DOCK2: variants seen among roughly 807,000 people sequenced by gnomAD.
The protein encoded by DOCK2 is dedicator of cytokinesis protein 2.
DOCK2 carries 87 observed loss-of-function variants against 248.9 expected under a neutral mutation model. The ratio of observed to expected loss-of-function variants is 0.35; its 90% CI spans 0.29 to 0.42. The LOEUF is 0.42. Among genes scored for constraint, DOCK2 ranks in the 10% least tolerant of loss-of-function variants. The probability of loss-of-function intolerance (pLI) is 1.00; values close to 1 mark genes in which losing one functional copy is unlikely to be tolerated. For missense variants in DOCK2, 1,747 were observed against 2,300.2 expected (o/e 0.76, Z 4.92); for synonymous variants, 805 against 821.6 (o/e 0.98, Z 0.35).
chr5:170,071,220 G>T (rs1581574780), intron 46 of DOCK2, among the ~76,000 whole-genome samples: 1 of 152,156 alleles, frequency 6.6e-6, no homozygotes, highest in East Asian at 1.9e-4. Context: ...GTTTCATTCC[G>T]TTTGTTCTTG....
At chr5:169,649,929 G>C (rs560145282) in intron 1 of DOCK2, among the ~76,000 whole-genome samples, 16 of 151,700 alleles carry the variant, frequency 1.1e-4, no homozygotes, top group African/African-American at 3.9e-4. Context: ...TCAGTCCCCC[G>C]AGTAGCTGGG....
intron 25 of DOCK2, among the ~76,000 whole-genome samples, chr5:169,800,210 A>G (rs1240774545): frequency 6.6e-6 from 1 of 152,206 alleles, no homozygotes; most frequent in Non-Finnish European, 1.5e-5. Context: ...TTTGTCATCT[A>G]TAATTTTCTG....
At chr5:170,019,142 G>C (rs1326816017) in intron 33 of DOCK2, 34 bp downstream of exon 33, 1 of 1,613,350 alleles carries the variant, frequency 6.2e-7, no homozygotes, top group Non-Finnish European at 8.5e-7. Flanking sequence ...ATGCCAGCAT[G>C]CCTAATCCCC....
intron 26 of DOCK2, among the ~76,000 whole-genome samples, chr5:169,816,791 G>A (rs982185433): frequency 1.6e-4 from 25 of 152,088 alleles, no homozygotes; most frequent in African/African-American, 5.6e-4. Context: ...ATGGAAAATG[G>A]GGTATCCATG....
intron 27 of DOCK2, chr5:169,875,311 T>G (rs1440085944): frequency 4.4e-6 from 2 of 456,684 alleles, no homozygotes; most frequent in Non-Finnish European, 8.8e-6. Context: ...GCAACAAGTT[T>G]CCATAGACAC....
At chr5:170,081,765 T>G in intron 50 of DOCK2, 77 bp from the exon 51 acceptor site, 2,516 of 519,372 alleles carry the variant, frequency 4.8e-3, no homozygotes, top group Non-Finnish European at 6.2e-3. Flanking sequence ...CCCCCAGCCC[T>G]CCCCCTGTCT....
At chr5:169,938,479 G>A (rs1776090061) in intron 27 of DOCK2, among the ~76,000 whole-genome samples, 1 of 152,104 alleles carries the variant, frequency 6.6e-6, no homozygotes, top group South Asian at 2.1e-4. Context: ...AATACTGTAG[G>A]CAATTAGAAC....
intron 27 of DOCK2, among the ~76,000 whole-genome samples, chr5:169,981,420 G>A (rs1454270898): frequency 6.6e-6 from 1 of 152,124 alleles, no homozygotes; most frequent in Non-Finnish European, 1.5e-5. Flanking sequence ...ACCCTGCATT[G>A]AGCAAGTCTC....
At chr5:169,825,501 T>G (rs1309266005) in intron 26 of DOCK2, among the ~76,000 whole-genome samples, 2 of 149,998 alleles carry the variant, frequency 1.3e-5, no homozygotes, top group Non-Finnish European at 2.9e-5. Context: ...ACCATCATTC[T>G]GAGCAAACTA....
intron 27 of DOCK2, chr5:169,883,197 G>T: frequency 6.4e-7 from 1 of 1,551,636 alleles, no homozygotes. Flanking sequence ...CATCCAAAGG[G>T]TGTATGGAGT....
intron 27 of DOCK2, among the ~76,000 whole-genome samples, chr5:169,938,214 T>C (rs1776078672): frequency 6.6e-6 from 1 of 152,052 alleles, no homozygotes; most frequent in Non-Finnish European, 1.5e-5. Context: ...AAATCTTTCT[T>C]TTTCTTTCTT....
intron 25 of DOCK2, among the ~76,000 whole-genome samples, chr5:169,776,156 A>AAT (rs1432313420): frequency 7.1e-6 from 1 of 139,960 alleles, no homozygotes. Context: ...TATTTATATA[A>AAT]ATATATATAT....
chr5:169,956,039 G>GAAAAAA (rs577395351), intron 27 of DOCK2, among the ~76,000 whole-genome samples: 2 of 132,908 alleles, frequency 1.5e-5, no homozygotes, highest in East Asian at 4.3e-4. Context: ...ACATAGATTT[G>GAAAAAA]AAAAAAAAAA....
intron 20 of DOCK2, among the ~76,000 whole-genome samples, chr5:169,716,988 C>G (rs182681282): frequency 2.0e-5 from 3 of 152,262 alleles, no homozygotes; most frequent in Admixed American, 6.5e-5. Flanking sequence ...CCCTAGAATG[C>G]TAGCTCTCAG....
At position 169,755,467 on chromosome 5, in the gene DOCK2, G is replaced by A. The variant is rs529032692; in HGVS notation, c.2377-4238G>A. On this transcript the variant is annotated intron_variant, in intron 23 of 51. Transcript: ENST00000520908. ...AGAGTAAAAATAATAGAACGGCTGG[G>A]CACGGTGGCTCCAGCCTGTAATCCC... 5.3e-5 allele frequency among the ~76,000 whole-genome samples: 8 copies of A among 152,284 alleles called. No individual in the cohort carries two copies. In the East Asian group the frequency reaches 1.2e-3, roughly 22 times the overall value.
chr5:169,720,821 C>T (rs1158452799), intron 22 of DOCK2, among the ~76,000 whole-genome samples: 1 of 152,240 alleles, frequency 6.6e-6, no homozygotes, highest in African/African-American at 2.4e-5. Context: ...ATCTCCGCCT[C>T]CCACCTTCAA....
chr5:169,883,584 C>T, intron 27 of DOCK2: 2 of 1,551,660 alleles, frequency 1.3e-6, no homozygotes, highest in African/African-American at 1.4e-5. Context: ...CTGGGAAATG[C>T]TTCCTGAGAC....
intron 32 of DOCK2, among the ~76,000 whole-genome samples, chr5:170,008,998 G>C (rs1297990844): frequency 6.6e-6 from 1 of 151,914 alleles, no homozygotes; most frequent in Non-Finnish European, 1.5e-5. Flanking sequence ...ATGGGTTACA[G>C]ATCCAAATGG....
At chr5:169,766,208 C>T (rs907671507) in intron 25 of DOCK2, among the ~76,000 whole-genome samples, 6 of 151,958 alleles carry the variant, frequency 3.9e-5, no homozygotes, top group Admixed American at 2.0e-4. Context: ...GTTTTTTGAT[C>T]CTTACCCTCC....
Sources: allele counts gnomAD v4.1 joint callset (sites outside exome capture counted in the v4.1 genomes callset), GRCh38; gene constraint gnomAD v4.1.1; transcripts MANE v1.5; gene names NCBI Gene and HGNC (gene_info 2026-07-23, HGNC 2026-07-21).